The following LMO7 variants were observed in gnomAD, a reference collection of about 807,000 sequenced individuals.
LMO7 encodes the protein LIM domain only protein 7.
Under a neutral mutation model 206.5 loss-of-function variants are expected in LMO7, and 120 were observed. The ratio of observed to expected loss-of-function variants is 0.58; its 90% CI spans 0.50 to 0.68. LMO7 has a LOEUF of 0.68. Among genes scored for constraint, LMO7 ranks in the 30% least tolerant of loss-of-function variants. LMO7 has a pLI of 0.00. For missense variants in LMO7, 1,959 were observed against 1,957.9 expected (o/e 1.00, Z -0.01); for synonymous variants, 706 against 681.5 (o/e 1.04, Z -0.56).
intron 1 of LMO7, among the ~76,000 whole-genome samples, chr13:75,653,049 C>A (rs924310087): frequency 3.3e-5 from 5 of 151,788 alleles, no homozygotes; most frequent in Non-Finnish European, 2.9e-5. Flanking sequence ...TACAGCCCAG[C>A]TTTTCCCTAC....
intron 1 of LMO7, among the ~76,000 whole-genome samples, chr13:75,661,857 A>C (rs1010471675): frequency 6.6e-5 from 10 of 152,038 alleles, no homozygotes; most frequent in African/African-American, 2.2e-4. Context: ...CATTATCATG[A>C]TTATTTAGGG....
At chr13:75,731,138 A>G (rs560045947) in intron 3 of LMO7, among the ~76,000 whole-genome samples, 178 of 152,220 alleles carry the variant, frequency 1.2e-3, no homozygotes, top group South Asian at 0.01. Context: ...GTAGATGTCT[A>G]TTAGGTCCGC....
chr13:75,786,879 GC>G (rs1044604558), intron 4 of LMO7, among the ~76,000 whole-genome samples: 10 of 152,050 alleles, frequency 6.6e-5, no homozygotes, highest in African/African-American at 2.2e-4. Flanking sequence ...TAAAACCAAA[GC>G]CTACTATTTT....
chr13:75,665,261 T>G (rs1433060286), intron 1 of LMO7, among the ~76,000 whole-genome samples: 1 of 152,114 alleles, frequency 6.6e-6, no homozygotes, highest in Non-Finnish European at 1.5e-5. Flanking sequence ...TAGAACCAAT[T>G]AAGTTCAGAA....
intron 19 of LMO7, among the ~76,000 whole-genome samples, chr13:75,837,043 G>T (rs1033542280): frequency 6.6e-6 from 1 of 152,076 alleles, no homozygotes; most frequent in African/African-American, 2.4e-5. Context: ...GAATAGATCC[G>T]GTCATGTAGG....
chr13:75,809,087 T>C (rs1595176954), intron 10 of LMO7, 67 bp from the exon 11 acceptor site: 2 of 1,192,244 alleles, frequency 1.7e-6, no homozygotes, highest in East Asian at 2.3e-5. Context: ...TGGAAGACAT[T>C]GAACGTTTAG....
intron 1 of LMO7, among the ~76,000 whole-genome samples, chr13:75,647,951 CTTT>C (rs570513211): frequency 1.1e-5 from 1 of 91,148 alleles, no homozygotes; most frequent in East Asian, 3.8e-4. Flanking sequence ...TCTTTTCTTT[CTTT>C]TTTTTTTTTT....
rs61404549 is a variant in LMO7 at position 75,828,080 on chromosome 13, T to G, written c.2949+4207T>G. Reference sequence around the variant, plus strand: ...AATGCTGACCAAATTTTCTTGACTTTAGAGCTAAGTATGTGAGAATTAAAT... The same window carrying G: ...AATGCTGACCAAATTTTCTTGACTTGAGAGCTAAGTATGTGAGAATTAAAT... On this transcript the variant is annotated intron_variant, in intron 15 of 30. Coordinates refer to ENST00000377534, the MANE Select transcript of LMO7 (RefSeq NM_001306080.2). Among the ~76,000 whole-genome samples, 1,324 of 152,348 alleles carry G rather than the reference T, an allele frequency of 8.7e-3. 16 individuals carry two copies. Among genetic ancestry groups the G allele is most frequent in the African/African-American group, 0.029 (1,226 of 41,574 alleles).
intron 3 of LMO7, among the ~76,000 whole-genome samples, chr13:75,736,669 C>T (rs1462328323): frequency 2.0e-5 from 3 of 152,174 alleles, no homozygotes; most frequent in Admixed American, 6.5e-5. Flanking sequence ...GAAAGCATCA[C>T]GTAATAAATG....
intron 4 of LMO7, among the ~76,000 whole-genome samples, chr13:75,789,927 G>C (rs887152898): frequency 4.6e-5 from 7 of 152,064 alleles, no homozygotes; most frequent in Non-Finnish European, 8.8e-5. Flanking sequence ...TCAGATTTTG[G>C]AAAATTTAAG....
At chr13:75,760,825 G>C (rs568909389) in intron 3 of LMO7, 107 bp from the exon 4 acceptor site, 1 of 1,556,874 alleles carries the variant, frequency 6.4e-7, no homozygotes, top group Non-Finnish European at 8.7e-7. Context: ...TGCCTCTTTT[G>C]CTGACTGTAA....
chr13:75,707,924 A>G (rs964020699), intron 1 of LMO7, among the ~76,000 whole-genome samples: 5 of 151,656 alleles, frequency 3.3e-5, no homozygotes, highest in Non-Finnish European at 7.4e-5. Flanking sequence ...TTTTTGGGGG[A>G]GATGAACCAT....
intron 26 of LMO7, among the ~76,000 whole-genome samples, chr13:75,847,999 CTTTA>C (rs1368278096): frequency 4.6e-5 from 7 of 152,174 alleles, no homozygotes; most frequent in Non-Finnish European, 8.8e-5. Context: ...TTCAAATACA[CTTTA>C]TTTATTTGTT....
At chr13:75,840,311 GT>G (rs1459593922) in intron 21 of LMO7, 79 bp from the exon 22 acceptor site, 13 of 1,487,090 alleles carry the variant, frequency 8.7e-6, no homozygotes, top group Non-Finnish European at 1.2e-5. Context: ...AATAATTTAT[GT>G]GTGCAAAAGT....
intron 19 of LMO7, among the ~76,000 whole-genome samples, chr13:75,837,159 C>T (rs1260207473): frequency 2.6e-5 from 4 of 152,102 alleles, no homozygotes; most frequent in African/African-American, 7.2e-5. Flanking sequence ...AATCTACATT[C>T]GATAGTTTAT....
At chr13:75,805,279 C>T (rs1410846393) in intron 8 of LMO7, 200 bp from the exon 9 acceptor site, 28 of 950,542 alleles carry the variant, frequency 2.9e-5, no homozygotes, top group Non-Finnish European at 3.3e-5. Flanking sequence ...ATCTTTGGCC[C>T]GTGTGTATCT....
chr13:75,758,174 A>G (rs2047842854), intron 3 of LMO7, among the ~76,000 whole-genome samples: 1 of 152,078 alleles, frequency 6.6e-6, no homozygotes, highest in African/African-American at 2.4e-5. Flanking sequence ...ATTAGTTTTA[A>G]TTTGTCCTTT....
rs2059024762 is a variant in LMO7 at position 75,835,222 on chromosome 13, C to A, written c.3227-11C>A. 6.2e-7 allele frequency: 1 copy of A among 1,612,184 alleles called. No individual in the cohort carries two copies. The highest frequency in any genetic ancestry group is 8.5e-7 in the Non-Finnish European group (1 of 1,179,166). On this transcript the variant is annotated splice_polypyrimidine_tract_variant and intron_variant, in intron 17 of 30. Transcript: ENST00000377534. ...CCCTCAATCTCACCAGTATGGCTAC[C>A]AAAATTATAGGTTCACCTGAAACAA...
chr13:75,759,082 G>C (rs982693480), intron 3 of LMO7, among the ~76,000 whole-genome samples: 1 of 152,274 alleles, frequency 6.6e-6, no homozygotes, highest in Admixed American at 6.5e-5. Flanking sequence ...CATGGTGACA[G>C]GTGAGAGAGA....
Sources: allele counts gnomAD v4.1 joint callset (sites outside exome capture counted in the v4.1 genomes callset), GRCh38; gene constraint gnomAD v4.1.1; transcripts MANE v1.5; gene names NCBI Gene and HGNC (gene_info 2026-07-23, HGNC 2026-07-21).